Variants in SYN3 observed in about 807,000 individuals in gnomAD.
The protein encoded by SYN3 is synapsin III, also known as synapsin-3.
SYN3 carries 35 observed loss-of-function variants against 65.8 expected under a neutral mutation model. The observed-to-expected ratio is 0.53, with a 90% CI of 0.41 to 0.70. The LOEUF (loss-of-function observed/expected upper bound fraction) is 0.70, where lower values mean the gene tolerates loss of function less well. Ranked by LOEUF, SYN3 falls within the 30% of genes least tolerant of loss-of-function variation. The pLI, the probability that SYN3 is intolerant of heterozygous loss-of-function variation, is 0.00. For synonymous variants in SYN3, 270 were observed against 292.9 expected, an observed-to-expected ratio of 0.92 and a Z score of 0.80; for missense variants, 680 against 749.0, an observed-to-expected ratio of 0.91 and a Z score of 1.08.
At chr22:32,681,051 G>A (rs1345028054) in intron 6 of SYN3, among the ~76,000 whole-genome samples, 4 of 152,242 alleles carry the variant, frequency 2.6e-5, no homozygotes, top group African/African-American at 9.6e-5. Flanking sequence ...GCCATGATAA[G>A]GGAGGTGGGA....
intron 1 of SYN3, among the ~76,000 whole-genome samples, chr22:33,024,131 CTTG>C (rs2053602859): frequency 6.6e-6 from 1 of 152,156 alleles, no homozygotes; most frequent in South Asian, 2.1e-4. Flanking sequence ...ATGACTAGGT[CTTG>C]TTGTTTCTCA....
At chr22:33,016,673 C>T (rs368501418) in intron 1 of SYN3, among the ~76,000 whole-genome samples, 3 of 152,008 alleles carry the variant, frequency 2.0e-5, no homozygotes, top group East Asian at 3.8e-4. Context: ...GCATTTTTTT[C>T]ATATATCTGT....
intron 6 of SYN3, among the ~76,000 whole-genome samples, chr22:32,670,736 G>T (rs1397378616): frequency 6.6e-6 from 1 of 152,252 alleles, no homozygotes; most frequent in Non-Finnish European, 1.5e-5. Flanking sequence ...TTGCCAGGAA[G>T]CATGCTGTGC....
chr22:32,961,659 C>T (rs1000663688), intron 3 of SYN3, among the ~76,000 whole-genome samples: 1 of 152,240 alleles, frequency 6.6e-6, no homozygotes, highest in African/African-American at 2.4e-5. Flanking sequence ...GCTGCCAGCT[C>T]TGGCTGCTGT....
At chr22:33,048,565 T>TA (rs541323306) in intron 1 of SYN3, among the ~76,000 whole-genome samples, 61 of 152,140 alleles carry the variant, frequency 4.0e-4, no homozygotes, top group Non-Finnish European at 6.0e-4. Context: ...AGTTGGTTGT[T>TA]AATAGGAGCC....
At chr22:32,577,359 C>T (rs978382106) in intron 7 of SYN3, among the ~76,000 whole-genome samples, 7 of 152,156 alleles carry the variant, frequency 4.6e-5, no homozygotes, top group Non-Finnish European at 1.0e-4. Flanking sequence ...GAAGGGGCTC[C>T]TGTTGCCCAT....
Position 32,858,165 on chromosome 22 carries a change from G to A in SYN3, c.711+6750C>T, listed in dbSNP as rs376987784. The A allele has an allele frequency of 1.9e-6, 3 of 1,611,108 alleles. No homozygotes were observed. The African/African-American group carries it at 4.0e-5, about 22-fold the overall frequency. On this transcript the variant is annotated intron_variant, in intron 6 of 13. Transcript: ENST00000358763. ...TAAGCTCTGGGGTCACTGGGGGAAG[G>A]AGGGGAGGTGCTGACTTGCAGCCCT...
Position 32,513,310 on chromosome 22 carries a change from G to GCC in SYN3, c.*380_*381dup, listed in dbSNP as rs1018028894. 5.3e-6 allele frequency: 1 copy of GCC among 187,886 alleles called. No individual in the cohort carries two copies. The highest frequency in any genetic ancestry group is 1.1e-5 in the Non-Finnish European group (1 of 90,462). 11.6% of individuals were successfully genotyped at this position (187,886 alleles called of 1,614,324 possible). A position where few individuals can be genotyped will look rare whatever the true frequency, so the allele number is the denominator to read the frequency against. ...CTGCGTTTGATGGAGGTGGGGCAAG[G>GCC]CCTAGAGGGGGCCTTTGCCCAAAGG... is the stretch of plus-strand genomic sequence containing the variant. On this transcript the variant is annotated 3_prime_UTR_variant, in exon 14 of 14. Coordinates refer to ENST00000358763, the MANE Select transcript of SYN3 (RefSeq NM_003490.4).
chr22:32,586,089 T>TATGTATATATGTATACATGTATAC (rs2059035373), intron 7 of SYN3, among the ~76,000 whole-genome samples: 2 of 96,504 alleles, frequency 2.1e-5, no homozygotes, highest in Non-Finnish European at 5.1e-5. Context: ...TACATGTATA[T>TATGTATATATGTATACATGTATAC]ATGTATATAT....
chr22:32,980,550 TGAC>T (rs1346619781), intron 3 of SYN3, 92 bp downstream of exon 3: 9 of 1,153,302 alleles, frequency 7.8e-6, no homozygotes, highest in Non-Finnish European at 9.1e-6. Flanking sequence ...TGGCTCATTA[TGAC>T]CACATAAGAT....
rs2046557902 is a variant in SYN3 at position 32,801,022 on chromosome 22, G to A, written c.711+63893C>T. Among the ~76,000 whole-genome samples, 1 of 152,192 alleles carries A rather than the reference G, an allele frequency of 6.6e-6. No homozygotes were observed. Among genetic ancestry groups the A allele is most frequent in the South Asian group, 2.1e-4 (1 of 4,832 alleles). On this transcript the variant is annotated intron_variant, in intron 6 of 13. Transcript: ENST00000358763. The surrounding 1 kb of genome is among the most constrained non-coding windows in gnomAD (Gnocchi z 4.7). The stretch of plus-strand genomic sequence containing the variant: ...GGATGTCCACGGGGGCAAGGGCTTT[G>A]TGTTGCTTAACCCAGCATCCTGAAC...
At chr22:32,582,574 C>A (rs1038996713) in intron 7 of SYN3, among the ~76,000 whole-genome samples, 1 of 151,950 alleles carries the variant, frequency 6.6e-6, no homozygotes, top group Non-Finnish European at 1.5e-5. Flanking sequence ...GGGGGTGGGT[C>A]TCACCATGCT....
At chr22:32,635,820 G>A (rs738994) in intron 6 of SYN3, among the ~76,000 whole-genome samples, 29,087 of 151,980 alleles carry the variant, frequency 0.19, 6,219 homozygotes, top group African/African-American at 0.53. Context: ...AAACCCAAAC[G>A]TTATTTTTGT....
intron 6 of SYN3, among the ~76,000 whole-genome samples, chr22:32,725,131 AAACAC>A (rs570548812): frequency 4.9e-4 from 75 of 152,240 alleles, no homozygotes; most frequent in Middle Eastern, 3.4e-3. Context: ...AAAACAAAAC[AAACAC>A]AACACAACAC....
intron 6 of SYN3, chr22:32,859,522 G>C (rs2048477553): frequency 9.7e-7 from 1 of 1,031,398 alleles, no homozygotes; most frequent in Non-Finnish European, 1.4e-6. Flanking sequence ...GGTCTATGCT[G>C]TCATATGGGG....
intron 6 of SYN3, among the ~76,000 whole-genome samples, chr22:32,685,825 A>G (rs1281517777): frequency 2.0e-5 from 3 of 152,252 alleles, no homozygotes; most frequent in African/African-American, 7.2e-5. Context: ...ATCAGAGTTG[A>G]GATGTATCTA....
intron 6 of SYN3, among the ~76,000 whole-genome samples, chr22:32,627,378 T>C (rs1423653668): frequency 6.6e-6 from 1 of 152,146 alleles, no homozygotes; most frequent in Non-Finnish European, 1.5e-5. Context: ...GCAGCTTCTG[T>C]GAGCCCTAAT....
chr22:32,541,747 C>T (rs772816610), intron 7 of SYN3, 34 bp from the exon 8 acceptor site: 1 of 1,605,180 alleles, frequency 6.2e-7, no homozygotes, highest in South Asian at 1.1e-5. Context: ...GAGTGCCACC[C>T]ACCCCGTGTT....
At chr22:32,637,661 AG>A (rs1485129648) in intron 6 of SYN3, among the ~76,000 whole-genome samples, 121 of 107,424 alleles carry the variant, frequency 1.1e-3, no homozygotes, top group Non-Finnish European at 1.6e-3. Flanking sequence ...TTTTTGAGAC[AG>A]GGTCTCATTC....
Sources: gnomAD v4.1 joint callset for allele counts (sites outside exome capture counted in the v4.1 genomes callset) on GRCh38, gnomAD v4.1.1 for gene constraint, Gnocchi (gnomAD v3.1) non-coding constraint, MANE v1.5 for transcripts, NCBI Gene and HGNC (gene_info 2026-07-23, HGNC 2026-07-21) for gene names.